Variants in SUPT3H observed in about 807,000 individuals in gnomAD.
SUPT3H encodes the protein SPT3 homolog, SAGA and STAGA complex component.
A neutral mutation model predicts 44.3 loss-of-function variants in SUPT3H; 44 were observed. The observed-to-expected ratio is 0.99, with a 90% CI of 0.78 to 1.28. The LOEUF is 1.28. SUPT3H is among the 50% of genes most tolerant of loss of function. The pLI, the probability that SUPT3H is intolerant of heterozygous loss-of-function variation, is 0.00. For missense variants in SUPT3H, 380 were observed against 387.1 expected, an observed-to-expected ratio of 0.98 and a Z score of 0.15; for synonymous variants, 124 against 125.6, an observed-to-expected ratio of 0.99 and a Z score of 0.09.
At chr6:45,129,348 G>A (rs944638735) in intron 2 of SUPT3H, among the ~76,000 whole-genome samples, 2 of 152,156 alleles carry the variant, frequency 1.3e-5, no homozygotes, top group African/African-American at 2.4e-5. Context: ...TTGGCAGTCT[G>A]GACAATGGTG....
At chr6:45,174,066 C>T (rs910374726) in intron 2 of SUPT3H, among the ~76,000 whole-genome samples, 1 of 152,236 alleles carries the variant, frequency 6.6e-6, no homozygotes, top group African/African-American at 2.4e-5. Flanking sequence ...ATAGAATCCA[C>T]CTGACTCTAA....
chr6:45,186,875 C>T (rs1241172773), intron 2 of SUPT3H, among the ~76,000 whole-genome samples: 1 of 152,080 alleles, frequency 6.6e-6, no homozygotes. Context: ...ACCTGAATAA[C>T]ACCTTGCTAT....
At chr6:45,175,690 C>A (rs1457153509) in intron 2 of SUPT3H, among the ~76,000 whole-genome samples, 2 of 147,912 alleles carry the variant, frequency 1.4e-5, no homozygotes, top group African/African-American at 5.1e-5. Flanking sequence ...GTGCTAGGCC[C>A]TGAGGCAGAC....
At chr6:44,909,553 A>G (rs1415808932) in intron 10 of SUPT3H, among the ~76,000 whole-genome samples, 2 of 152,252 alleles carry the variant, frequency 1.3e-5, no homozygotes, top group African/African-American at 4.8e-5. Flanking sequence ...ATACTAATAT[A>G]TAACAATTAT....
intron 1 of SUPT3H, among the ~76,000 whole-genome samples, chr6:45,376,159 A>C (rs1294429715): frequency 6.6e-6 from 1 of 152,210 alleles, no homozygotes; most frequent in Non-Finnish European, 1.5e-5. Context: ...TTAGCTGTAC[A>C]ACCTAGGAGA....
chr6:45,228,404 G>C (rs1000236623), intron 2 of SUPT3H, among the ~76,000 whole-genome samples: 1 of 152,146 alleles, frequency 6.6e-6, no homozygotes, highest in African/African-American at 2.4e-5. Flanking sequence ...CTGCTTTATA[G>C]CCTTAGAAAT....
chr6:45,182,552 G>A (rs538592119), intron 2 of SUPT3H, among the ~76,000 whole-genome samples: 10 of 152,294 alleles, frequency 6.6e-5, no homozygotes, highest in East Asian at 3.9e-4. Context: ...GTGAGCCACC[G>A]CACCTGGCCT....
intron 2 of SUPT3H, among the ~76,000 whole-genome samples, chr6:45,174,127 A>G (rs1811283352): frequency 6.6e-6 from 1 of 152,238 alleles, no homozygotes; most frequent in African/African-American, 2.4e-5. Context: ...CAAAATGTGA[A>G]GAAACCTGAA....
chr6:45,144,808 A>T (rs1374910766), intron 2 of SUPT3H, among the ~76,000 whole-genome samples: 2 of 152,132 alleles, frequency 1.3e-5, no homozygotes, highest in Non-Finnish European at 2.9e-5. Context: ...TTCATTTGAT[A>T]AATGAATTCA....
chr6:45,159,696 T>G (rs1282659125), intron 2 of SUPT3H, among the ~76,000 whole-genome samples: 1 of 152,204 alleles, frequency 6.6e-6, no homozygotes, highest in Non-Finnish European at 1.5e-5. Flanking sequence ...ATTCCTTTCT[T>G]TGTTTAGCTA....
intron 2 of SUPT3H, among the ~76,000 whole-genome samples, chr6:45,359,180 G>A (rs1224238775): frequency 1.3e-5 from 2 of 152,190 alleles, no homozygotes; most frequent in African/African-American, 4.8e-5. Context: ...ATTATTTTAT[G>A]TAGCCACATT....
chr6:45,152,036 C>T (rs1021195089), intron 2 of SUPT3H, among the ~76,000 whole-genome samples: 26 of 152,082 alleles, frequency 1.7e-4, no homozygotes, highest in Admixed American at 1.3e-4. Flanking sequence ...CTCATCTAGT[C>T]CCAAATCTTT....
intron 2 of SUPT3H, among the ~76,000 whole-genome samples, chr6:45,333,647 A>G (rs1581661263): frequency 6.6e-6 from 1 of 151,404 alleles, no homozygotes; most frequent in East Asian, 1.9e-4. Context: ...ATAAAAAACA[A>G]TCATTTTTTA....
intron 2 of SUPT3H, among the ~76,000 whole-genome samples, chr6:45,312,026 C>G (rs1480399278): frequency 6.6e-6 from 1 of 152,124 alleles, no homozygotes; most frequent in Non-Finnish European, 1.5e-5. Flanking sequence ...TTATAACATA[C>G]AGAATTGCAG....
intron 2 of SUPT3H, among the ~76,000 whole-genome samples, chr6:45,170,501 G>A (rs539006865): frequency 6.6e-6 from 1 of 152,262 alleles, no homozygotes; most frequent in African/African-American, 2.4e-5. Context: ...CAAATCCCCT[G>A]TAGCTGAAAT....
At chr6:45,139,690 C>A (rs1045649775) in intron 2 of SUPT3H, among the ~76,000 whole-genome samples, 1 of 152,074 alleles carries the variant, frequency 6.6e-6, no homozygotes, top group Admixed American at 6.6e-5. Context: ...TAGGGAGCCA[C>A]ACGAAATATA....
intron 2 of SUPT3H, among the ~76,000 whole-genome samples, chr6:45,309,549 G>A (rs1230648029): frequency 6.6e-6 from 1 of 151,426 alleles, no homozygotes; most frequent in South Asian, 2.1e-4. Flanking sequence ...AGTTCAAGAA[G>A]AAGAAAGAGA....
intron 10 of SUPT3H, among the ~76,000 whole-genome samples, chr6:44,886,011 T>C (rs1266115562): frequency 6.6e-6 from 1 of 152,088 alleles, no homozygotes; most frequent in Non-Finnish European, 1.5e-5. Context: ...GAAGAAAGGG[T>C]ATCAGTGATG....
intron 3 of SUPT3H, among the ~76,000 whole-genome samples, chr6:45,072,960 G>A (rs926325737): frequency 2.0e-5 from 3 of 151,972 alleles, no homozygotes; most frequent in South Asian, 2.1e-4. Context: ...TAGAAGCCAC[G>A]AAACAATAGT....
Sources: gnomAD v4.1 joint callset for allele counts (sites outside exome capture counted in the v4.1 genomes callset) on GRCh38, gnomAD v4.1.1 for gene constraint, MANE v1.5 for transcripts, NCBI Gene and HGNC (gene_info 2026-07-23, HGNC 2026-07-21) for gene names.